The following COL24A1 variants were observed in gnomAD, a reference collection of about 807,000 sequenced individuals.
The protein encoded by COL24A1 is collagen alpha-1(XXIV) chain.
In COL24A1, 224 loss-of-function variants were observed where a neutral mutation model predicts 253.9. The ratio of observed to expected loss-of-function variants is 0.88; its 90% CI spans 0.79 to 0.99. COL24A1 has a LOEUF of 0.99. COL24A1 is among the 50% of genes least tolerant of loss of function. COL24A1 has a pLI of 0.00. For synonymous variants in COL24A1, 685 were observed against 673.7 expected (o/e 1.02, Z -0.26); for missense variants, 2,131 against 2,068.5 (o/e 1.03, Z -0.59).
intron 47 of COL24A1, among the ~76,000 whole-genome samples, chr1:85,803,916 G>T (rs1671693782): frequency 6.6e-6 from 1 of 152,030 alleles, no homozygotes; most frequent in Non-Finnish European, 1.5e-5. Context: ...GTACAATATT[G>T]AATATGTCAT....
chr1:85,755,005 T>G lies in COL24A1; in HGVS notation c.4437+6391A>C, dbSNP rs901522970. On this transcript the variant is annotated intron_variant, in intron 55 of 59. Transcript: ENST00000370571. ...TCCACAAACTTTCCCAGACACATCA[T>G]AATCAAACTATCTAATGCTATAGAC... 1.5e-4 allele frequency among the ~76,000 whole-genome samples: 23 copies of G among 152,128 alleles called. 1 individual carries two copies. The highest frequency in any genetic ancestry group is 5.6e-4 in the African/African-American group (23 of 41,420).
At chr1:85,980,845 C>T (rs1693185372) in intron 20 of COL24A1, among the ~76,000 whole-genome samples, 1 of 151,934 alleles carries the variant, frequency 6.6e-6, no homozygotes, top group African/African-American at 2.4e-5. Context: ...GAAGGCGGAG[C>T]TTGCAGTGAG....
intron 47 of COL24A1, among the ~76,000 whole-genome samples, chr1:85,787,589 C>T (rs747960878): frequency 6.6e-6 from 1 of 152,166 alleles, no homozygotes; most frequent in African/African-American, 2.4e-5. Context: ...ATATGTACCA[C>T]ATTTTCTTTA....
At chr1:85,859,589 T>A (rs990181936) in intron 37 of COL24A1, among the ~76,000 whole-genome samples, 16 of 150,492 alleles carry the variant, frequency 1.1e-4, no homozygotes, top group Admixed American at 7.2e-4. Flanking sequence ...TTCAAGGATA[T>A]GTTGTTGTTA....
At chr1:85,948,502 C>A (rs1297832231) in intron 24 of COL24A1, among the ~76,000 whole-genome samples, 8 of 115,008 alleles carry the variant, frequency 7.0e-5, no homozygotes, top group Admixed American at 3.9e-4. Flanking sequence ...CCAGCCTGGG[C>A]GACAGAGCGA....
chr1:85,861,563 T>A (rs936050940), intron 37 of COL24A1, among the ~76,000 whole-genome samples: 1 of 152,214 alleles, frequency 6.6e-6, no homozygotes, highest in South Asian at 2.1e-4. Flanking sequence ...GAGTTCATTT[T>A]TTTCTGCAGT....
chr1:85,769,945 A>G (rs920038814), intron 53 of COL24A1, among the ~76,000 whole-genome samples: 2 of 152,136 alleles, frequency 1.3e-5, no homozygotes, highest in African/African-American at 4.8e-5. Flanking sequence ...TGCCATAGGT[A>G]CTTCAGGCTT....
At chr1:86,035,133 GCA>G (rs1363074364) in intron 12 of COL24A1, among the ~76,000 whole-genome samples, 1 of 152,080 alleles carries the variant, frequency 6.6e-6, no homozygotes, top group African/African-American at 2.4e-5. Flanking sequence ...CCTACTAGAA[GCA>G]CAGTTTCTCT....
rs1032786608 is a variant in COL24A1, at chr1:86,022,816, A to C, written c.2148+17T>G. ...ATGTGATAAAAATTATTTTTATAATATTAATATTTAAATCACCTTATCACC... is the reference window on the plus strand; with the variant it reads ...ATGTGATAAAAATTATTTTTATAATCTTAATATTTAAATCACCTTATCACC... On this transcript the variant is annotated intron_variant, in intron 16 of 59. Coordinates refer to ENST00000370571, the MANE Select transcript of COL24A1 (RefSeq NM_152890.7). 2 of 1,415,414 alleles carry C rather than the reference A, an allele frequency of 1.4e-6. No homozygotes were observed. Among genetic ancestry groups the C allele is most frequent in the African/African-American group, 2.9e-5 (2 of 68,316 alleles). 87.7% of individuals were successfully genotyped at this position (1,415,414 alleles called of 1,614,324 possible). A position where few individuals can be genotyped will look rare whatever the true frequency, so the allele number is the denominator to read the frequency against.
chr1:85,862,598 T>C (rs1003157748), intron 37 of COL24A1, among the ~76,000 whole-genome samples: 3 of 152,138 alleles, frequency 2.0e-5, no homozygotes, highest in African/African-American at 7.2e-5. Context: ...AATCAAAGAA[T>C]GACTCACTCA....
chr1:86,066,432 G>A (rs1200432391), intron 7 of COL24A1, among the ~76,000 whole-genome samples: 1 of 151,578 alleles, frequency 6.6e-6, no homozygotes, highest in African/African-American at 2.4e-5. Flanking sequence ...TTTTAGTAGA[G>A]ATGGGGTTTC....
chr1:85,821,158 T>C (rs1673587357), intron 45 of COL24A1, among the ~76,000 whole-genome samples: 3 of 152,230 alleles, frequency 2.0e-5, no homozygotes, highest in Admixed American at 6.5e-5. Context: ...GACAGTTCAC[T>C]CACATTTGCA....
At chr1:85,906,022 C>A (rs1684782449) in intron 28 of COL24A1, among the ~76,000 whole-genome samples, 1 of 151,908 alleles carries the variant, frequency 6.6e-6, no homozygotes, top group African/African-American at 2.4e-5. Flanking sequence ...AATCATCTAT[C>A]ATCATTTTTT....
intron 24 of COL24A1, among the ~76,000 whole-genome samples, chr1:85,957,624 C>G (rs187989228): frequency 1.1e-4 from 16 of 152,296 alleles, no homozygotes; most frequent in Middle Eastern, 3.4e-3. Flanking sequence ...AATCTGTTAT[C>G]TCAAATATCT....
intron 47 of COL24A1, among the ~76,000 whole-genome samples, chr1:85,790,081 G>T (rs866127740): frequency 1.3e-5 from 2 of 152,272 alleles, no homozygotes. Flanking sequence ...AGTTAGGGAG[G>T]AGTCTCTTCT....
intron 19 of COL24A1, among the ~76,000 whole-genome samples, chr1:86,007,274 G>A (rs934385049): frequency 2.0e-5 from 3 of 152,034 alleles, no homozygotes; most frequent in Admixed American, 6.6e-5. Flanking sequence ...ACCCAGTGTG[G>A]TGCCACTGCA....
intron 31 of COL24A1, among the ~76,000 whole-genome samples, chr1:85,892,088 T>C (rs1683197048): frequency 6.6e-6 from 1 of 152,112 alleles, no homozygotes; most frequent in Non-Finnish European, 1.5e-5. Flanking sequence ...AAAGATTTCC[T>C]ATATCAAAGA....
At chr1:85,779,064 T>C (rs933424447) in intron 52 of COL24A1, among the ~76,000 whole-genome samples, 2 of 152,122 alleles carry the variant, frequency 1.3e-5, no homozygotes, top group East Asian at 3.8e-4. Context: ...TGGAGTGCAG[T>C]GGGTGCAGTC....
intron 19 of COL24A1, among the ~76,000 whole-genome samples, chr1:86,002,605 A>ACAT (rs1219562305): frequency 6.6e-6 from 1 of 152,212 alleles, no homozygotes. Context: ...ATACCACAGA[A>ACAT]CATCACCCCA....
Sources: gnomAD v4.1 joint callset for allele counts (sites outside exome capture counted in the v4.1 genomes callset) on GRCh38, gnomAD v4.1.1 for gene constraint, MANE v1.5 for transcripts, NCBI Gene and HGNC (gene_info 2026-07-23, HGNC 2026-07-21) for gene names.